The following RAB39A variants were observed in gnomAD, a reference collection of about 807,000 sequenced individuals.
RAB39A encodes ras-related protein Rab-39A.
A neutral mutation model predicts 20.9 loss-of-function variants in RAB39A; 17 were observed. That is an observed-to-expected ratio of 0.81 (90% CI 0.56 to 1.22). The LOEUF (loss-of-function observed/expected upper bound fraction) is 1.22. Among genes scored for constraint, RAB39A ranks in the 50% most tolerant of loss-of-function variants. The pLI is 0.00. For missense variants in RAB39A, 234 were observed against 270.5 expected, an observed-to-expected ratio of 0.87 and a Z score of 0.95; for synonymous variants, 99 against 103.4, an observed-to-expected ratio of 0.96 and a Z score of 0.26.
chr11:107,958,559 C>T (rs1255807682), intron 1 of RAB39A, among the ~76,000 whole-genome samples: 1 of 152,198 alleles, frequency 6.6e-6, no homozygotes, highest in African/African-American at 2.4e-5. Flanking sequence ...ACAACTATAT[C>T]TGAATCTGAA....
intron 1 of RAB39A, among the ~76,000 whole-genome samples, chr11:107,935,409 C>T (rs909868993): frequency 6.6e-6 from 1 of 150,868 alleles, no homozygotes. Flanking sequence ...GAGTCTGGCT[C>T]TGTCGCCTAG....
In RAB39A at chr11:107,946,454, ATATATATTTTTTTTT is replaced by A. The variant is rs1565464315; in HGVS notation, c.228-15490_228-15476del. Among the ~76,000 whole-genome samples the A allele has an allele frequency of 2.8e-3, 176 of 61,916 alleles. 6 individuals carry two copies. The highest frequency in any genetic ancestry group is 0.01 in the Middle Eastern group (1 of 98). The allele number at this position is 61,916 out of a possible 152,430, so 40.6% of individuals were successfully genotyped here. A position where few individuals can be genotyped will look rare whatever the true frequency, so the allele number is the denominator to read the frequency against. On this transcript the variant is annotated intron_variant, in intron 1 of 1. Coordinates refer to ENST00000320578, the MANE Select transcript of RAB39A (RefSeq NM_017516.3). The stretch of plus-strand genomic sequence containing the variant: ...TGTGTGTGTATATATATATATATAT[ATATATATTTTTTTTT>A]TTTTTTTTTTTTTTTTTTTTTGAGA...
At chr11:107,948,806 C>A (rs61906953) in intron 1 of RAB39A, among the ~76,000 whole-genome samples, 1 of 152,156 alleles carries the variant, frequency 6.6e-6, no homozygotes, top group East Asian at 1.9e-4. Flanking sequence ...GTTCCCCCAA[C>A]TTGTCAATAT....
chr11:107,930,953 A>G (rs1193910683), intron 1 of RAB39A, among the ~76,000 whole-genome samples: 1 of 151,926 alleles, frequency 6.6e-6, no homozygotes, highest in Non-Finnish European at 1.5e-5. Flanking sequence ...TGCTAAATAG[A>G]TGATAGAGAT....
chr11:107,961,207 A>G (rs1487537769), intron 1 of RAB39A, among the ~76,000 whole-genome samples: 2 of 152,212 alleles, frequency 1.3e-5, no homozygotes, highest in Non-Finnish European at 2.9e-5. Flanking sequence ...ACAATTTTGG[A>G]AGCTGGAAGT....
intron 1 of RAB39A, among the ~76,000 whole-genome samples, chr11:107,934,894 A>T (rs11212445): frequency 0.28 from 39,979 of 141,678 alleles, 6,450 homozygotes; most frequent in East Asian, 0.54. Context: ...ACACCATTTC[A>T]CTCCAGCCTG....
In RAB39A at chr11:107,928,882, G is replaced by A; in HGVS notation, c.227+87G>A. 1 of 1,108,246 alleles carries A rather than the reference G, an allele frequency of 9.0e-7. No homozygotes were observed. Among genetic ancestry groups the A allele is most frequent in the Non-Finnish European group, 1.3e-6 (1 of 792,328 alleles). The allele number at this position is 1,108,246 out of a possible 1,614,324, so 68.7% of individuals were successfully genotyped here. ...CCCAGGCGTCCGCCCCGCCGGCCCT[G>A]GTCGGGAGAGGCTCTGGCCCTTCCC... On this transcript the variant is annotated intron_variant, in intron 1 of 1. Coordinates refer to ENST00000320578, the MANE Select transcript of RAB39A (RefSeq NM_017516.3). The surrounding 1 kb of genome is among the most constrained non-coding windows in gnomAD (Gnocchi z 4.9).
At chr11:107,941,830 C>T (rs1361297502) in intron 1 of RAB39A, among the ~76,000 whole-genome samples, 2 of 152,040 alleles carry the variant, frequency 1.3e-5, no homozygotes, top group African/African-American at 2.4e-5. Context: ...CAGTGGCTCA[C>T]GCCTGTAATC....
chr11:107,929,646 G>A (rs1275374262), intron 1 of RAB39A, among the ~76,000 whole-genome samples: 2 of 152,160 alleles, frequency 1.3e-5, no homozygotes, highest in Non-Finnish European at 2.9e-5. Flanking sequence ...AAAGACAGAA[G>A]GAGGGATCCA....
intron 1 of RAB39A, among the ~76,000 whole-genome samples, chr11:107,947,975 CACACGT>C (rs1169786838): frequency 2.7e-4 from 13 of 48,320 alleles, no homozygotes; most frequent in Non-Finnish European, 4.7e-4. Context: ...GTGCTATACA[CACACGT>C]ACACACACAC....
At chr11:107,944,094 C>CAA (rs753877590) in intron 1 of RAB39A, among the ~76,000 whole-genome samples, 1 of 130,278 alleles carries the variant, frequency 7.7e-6, no homozygotes, top group Non-Finnish European at 1.6e-5. Flanking sequence ...GACTCCATCT[C>CAA]AAAAAAAAAA....
chr11:107,959,888 G>A (rs12576453), intron 1 of RAB39A, among the ~76,000 whole-genome samples: 89,073 of 152,028 alleles, frequency 0.59, 26,469 homozygotes, highest in East Asian at 0.71. Context: ...GGTTTATACA[G>A]CATTTAGCAC....
Position 107,942,098 on chromosome 11 carries a change from C to CA in RAB39A, c.227+13326dup, listed in dbSNP as rs10537482. Among the ~76,000 whole-genome samples, 269 of 83,716 alleles carry CA rather than the reference C, an allele frequency of 3.2e-3. 4 individuals carry two copies. Among genetic ancestry groups the CA allele is most frequent in the African/African-American group, 0.01 (207 of 20,114 alleles). 54.9% of individuals were successfully genotyped at this position (83,716 alleles called of 152,430 possible). ...TGGGCAACAGAGAGAGATTCCATCT[C>CA]AAAAAAAAAAAAAAAAAAAAAAAGA... On this transcript the variant is annotated intron_variant, in intron 1 of 1. Transcript: ENST00000320578.
chr11:107,952,062 T>G (rs942836111), intron 1 of RAB39A, among the ~76,000 whole-genome samples: 26 of 152,190 alleles, frequency 1.7e-4, no homozygotes, highest in African/African-American at 6.3e-4. Context: ...CTATATATTA[T>G]TTTAGGAAAA....
chr11:107,956,323 T>C (rs1348120452), intron 1 of RAB39A, among the ~76,000 whole-genome samples: 2 of 152,226 alleles, frequency 1.3e-5, no homozygotes, highest in African/African-American at 4.8e-5. Flanking sequence ...TGCTAGGTAC[T>C]TGAAAACCAT....
chr11:107,953,546 C>T (rs1004131050), intron 1 of RAB39A, among the ~76,000 whole-genome samples: 9 of 152,132 alleles, frequency 5.9e-5, no homozygotes, highest in South Asian at 4.1e-4. Context: ...AATGGCTAGT[C>T]GGCAGCTTCA....
chr11:107,947,397 G>A (rs1214904943), intron 1 of RAB39A, among the ~76,000 whole-genome samples: 1 of 152,058 alleles, frequency 6.6e-6, no homozygotes, highest in Non-Finnish European at 1.5e-5. Context: ...ATGAGCCACC[G>A]CGCCTGGCCA....
At chr11:107,959,788 T>A (rs370439225) in intron 1 of RAB39A, among the ~76,000 whole-genome samples, 8 of 152,330 alleles carry the variant, frequency 5.3e-5, no homozygotes, top group African/African-American at 1.9e-4. Context: ...CACTGGCCAT[T>A]CACAAAGATC....
At chr11:107,930,853 C>G (rs1861128251) in intron 1 of RAB39A, among the ~76,000 whole-genome samples, 1 of 134,048 alleles carries the variant, frequency 7.5e-6, no homozygotes, top group African/African-American at 2.5e-5. Context: ...CAGACTCAGT[C>G]TCAAAAATAA....
Sources: gnomAD v4.1 joint callset for allele counts (sites outside exome capture counted in the v4.1 genomes callset) on GRCh38, gnomAD v4.1.1 for gene constraint, Gnocchi (gnomAD v3.1) non-coding constraint, MANE v1.5 for transcripts, NCBI Gene and HGNC (gene_info 2026-07-23, HGNC 2026-07-21) for gene names.